The following MAN2A1 variants were observed in gnomAD, a reference collection of about 807,000 sequenced individuals.
MAN2A1 encodes alpha-mannosidase 2.
A neutral mutation model predicts 142.6 loss-of-function variants in MAN2A1; 76 were observed. That is an observed-to-expected ratio of 0.53 (90% CI 0.44 to 0.65). The LOEUF (loss-of-function observed/expected upper bound fraction) is 0.65, where lower values mean the gene tolerates loss of function less well. Among genes scored for constraint, MAN2A1 ranks in the 30% least tolerant of loss-of-function variants. The pLI is 0.00. For missense variants in MAN2A1, 1,311 were observed against 1,365.1 expected, an observed-to-expected ratio of 0.96 and a Z score of 0.62; for synonymous variants, 559 against 473.2, an observed-to-expected ratio of 1.18 and a Z score of -2.35.
In MAN2A1 at chr5:109,839,364, G is replaced by A. The variant is rs188483295; in HGVS notation, c.2567-2964G>A. On this transcript the variant is annotated intron_variant, in intron 16 of 21. Coordinates refer to ENST00000261483, the MANE Select transcript of MAN2A1 (RefSeq NM_002372.4). ...GAGAAGATACTGTTATTTATCATCA[G>A]CTATATGTGTGATTTCTTTTTCAAC... Among the ~76,000 whole-genome samples, 63 of 152,326 alleles carry A rather than the reference G, an allele frequency of 4.1e-4. 1 individual carries two copies. Among genetic ancestry groups the A allele is most frequent in the Middle Eastern group, 6.8e-3 (2 of 294 alleles).
At chr5:109,721,810 G>A (rs992531180) in intron 3 of MAN2A1, among the ~76,000 whole-genome samples, 5 of 152,158 alleles carry the variant, frequency 3.3e-5, no homozygotes, top group Admixed American at 2.6e-4. Flanking sequence ...AGTTACCTTT[G>A]TCTGTCTTTC....
intron 5 of MAN2A1, among the ~76,000 whole-genome samples, chr5:109,757,338 A>G (rs1752715296): frequency 6.6e-6 from 1 of 152,134 alleles, no homozygotes; most frequent in African/African-American, 2.4e-5. Flanking sequence ...CATGCAGTGG[A>G]ATATATAAAT....
chr5:109,865,219 A>G (rs1277537323), intron 21 of MAN2A1, 73 bp downstream of exon 21: 27 of 1,064,466 alleles, frequency 2.5e-5, no homozygotes, highest in Non-Finnish European at 3.8e-5. Context: ...GATCTTGACA[A>G]TAAGATCATG....
intron 12 of MAN2A1, among the ~76,000 whole-genome samples, chr5:109,809,163 T>G (rs1754253544): frequency 6.6e-6 from 1 of 152,300 alleles, no homozygotes; most frequent in East Asian, 1.9e-4. Context: ...TAAGTATTGC[T>G]AATATTTTGG....
intron 1 of MAN2A1, among the ~76,000 whole-genome samples, chr5:109,707,650 C>T (rs1264638632): frequency 6.6e-6 from 1 of 152,062 alleles, no homozygotes; most frequent in Non-Finnish European, 1.5e-5. Context: ...GCAGAGGTGA[C>T]GTTTGGCATG....
intron 1 of MAN2A1, among the ~76,000 whole-genome samples, chr5:109,697,468 A>G (rs1156918205): frequency 6.6e-6 from 1 of 152,194 alleles, no homozygotes; most frequent in Non-Finnish European, 1.5e-5. Flanking sequence ...TTTGTCTCCA[A>G]GGCCTCTGGT....
intron 4 of MAN2A1, among the ~76,000 whole-genome samples, chr5:109,750,134 C>G (rs1286181022): frequency 6.6e-6 from 1 of 151,952 alleles, no homozygotes; most frequent in Non-Finnish European, 1.5e-5. Context: ...TATTGCTATG[C>G]TTCTCAGTAA....
At chr5:109,813,101 A>C (rs527374597) in intron 12 of MAN2A1, among the ~76,000 whole-genome samples, 14 of 152,342 alleles carry the variant, frequency 9.2e-5, no homozygotes, top group African/African-American at 3.4e-4. Context: ...TCATGCAGTG[A>C]GGTCATGAGA....
chr5:109,714,949 T>G (rs1307284353), intron 2 of MAN2A1, among the ~76,000 whole-genome samples: 9 of 150,056 alleles, frequency 6.0e-5, no homozygotes, highest in East Asian at 3.9e-4. Flanking sequence ...GAGTACTTCT[T>G]GAGTACCTAG....
At chr5:109,718,372 C>G (rs920969528) in intron 3 of MAN2A1, among the ~76,000 whole-genome samples, 1 of 152,158 alleles carries the variant, frequency 6.6e-6, no homozygotes, top group Non-Finnish European at 1.5e-5. Flanking sequence ...ATAATAAAAT[C>G]CATGGTTTAC....
At position 109,741,103 on chromosome 5, in the gene MAN2A1, G is replaced by A. The variant is rs140471010; in HGVS notation, c.707+11590G>A. Among the ~76,000 whole-genome samples the A allele has an allele frequency of 1.6e-3, 237 of 152,222 alleles. 2 individuals are homozygous for A. The highest frequency in any genetic ancestry group is 5.5e-3 in the African/African-American group (227 of 41,524). ...GTCTCACTCAGATTTGTCTCACTCA[G>A]ATTCCTTCTGAGTGAGAACAGCTTT... On this transcript the variant is annotated intron_variant, in intron 4 of 21. Coordinates refer to ENST00000261483, the MANE Select transcript of MAN2A1 (RefSeq NM_002372.4).
chr5:109,799,610 TGCGCATGGTG>T (rs1206586184), intron 12 of MAN2A1, among the ~76,000 whole-genome samples: 1 of 151,440 alleles, frequency 6.6e-6, no homozygotes, highest in Non-Finnish European at 1.5e-5. Context: ...CAAAATTAGC[TGCGCATGGTG>T]GCGCATGCCT....
intron 1 of MAN2A1, among the ~76,000 whole-genome samples, chr5:109,692,707 C>G (rs1036898503): frequency 6.7e-6 from 1 of 148,604 alleles, no homozygotes; most frequent in Non-Finnish European, 1.5e-5. Flanking sequence ...ATGGAAAGAT[C>G]TGATGTAAAA....
At chr5:109,832,693 C>A (rs933766775) in intron 16 of MAN2A1, among the ~76,000 whole-genome samples, 1 of 152,230 alleles carries the variant, frequency 6.6e-6, no homozygotes, top group Admixed American at 6.5e-5. Flanking sequence ...CTAGGTACAC[C>A]TCCCAGACAG....
chr5:109,734,005 G>T (rs1201635999), intron 4 of MAN2A1, among the ~76,000 whole-genome samples: 1 of 152,052 alleles, frequency 6.6e-6, no homozygotes, highest in African/African-American at 2.4e-5. Context: ...ACTCTTTTTG[G>T]TTGGTAAGCT....
intron 20 of MAN2A1, among the ~76,000 whole-genome samples, chr5:109,861,283 G>C (rs1428137461): frequency 4.6e-5 from 7 of 152,196 alleles, no homozygotes; most frequent in African/African-American, 1.4e-4. Context: ...TGCTTGACAA[G>C]TAAAGGTTCT....
At chr5:109,699,783 C>A in intron 1 of MAN2A1, 1 of 159,580 alleles carries the variant, frequency 6.3e-6, no homozygotes. Flanking sequence ...GCCGAATCAA[C>A]CCTGGCGATC....
At position 109,751,594 on chromosome 5, in the gene MAN2A1, C is replaced by T. The variant is rs1752550433; in HGVS notation, c.708-3735C>T. 2.6e-5 allele frequency among the ~76,000 whole-genome samples: 4 copies of T among 151,648 alleles called. No individual in the cohort carries two copies. In the South Asian group the frequency reaches 8.3e-4, roughly 32 times the overall value. ...TTTTTTTTTAAATAAATCTTCAATG[C>T]CTATTTTAATAATGTAAATGTTTTT... On this transcript the variant is annotated intron_variant, in intron 4 of 21. Transcript: ENST00000261483.
intron 12 of MAN2A1, among the ~76,000 whole-genome samples, chr5:109,811,587 T>C (rs972428580): frequency 1.2e-3 from 186 of 151,428 alleles, no homozygotes; most frequent in African/African-American, 4.3e-3. Context: ...TGTGTGTGTG[T>C]GTGTGTGTGT....
Sources: gnomAD v4.1 joint callset for allele counts (sites outside exome capture counted in the v4.1 genomes callset) on GRCh38, gnomAD v4.1.1 for gene constraint, MANE v1.5 for transcripts, NCBI Gene and HGNC (gene_info 2026-07-23, HGNC 2026-07-21) for gene names.